The following WLS variants were observed in gnomAD, a reference collection of about 807,000 sequenced individuals.
The protein encoded by WLS is protein wntless homolog.
A neutral mutation model predicts 62.8 loss-of-function variants in WLS; 23 were observed. The observed-to-expected ratio is 0.37, with a 90% CI of 0.26 to 0.52. WLS has a LOEUF of 0.52. Among genes scored for constraint, WLS ranks in the 20% least tolerant of loss-of-function variants. The pLI is 0.92. For synonymous variants in WLS, 246 were observed against 244.1 expected, an observed-to-expected ratio of 1.01 and a Z score of -0.07; for missense variants, 615 against 697.3, an observed-to-expected ratio of 0.88 and a Z score of 1.33.
intron 11 of WLS, among the ~76,000 whole-genome samples, chr1:68,129,429 C>T (rs1260596254): frequency 6.6e-6 from 1 of 152,212 alleles, no homozygotes; most frequent in African/African-American, 2.4e-5. Flanking sequence ...AGTGCACTGA[C>T]AGGAGAGCTG....
intron 7 of WLS, among the ~76,000 whole-genome samples, 181 bp downstream of exon 7, chr1:68,148,382 A>G (rs1314510221): frequency 1.3e-5 from 2 of 152,230 alleles, no homozygotes; most frequent in Admixed American, 6.5e-5. Context: ...ATATTTTTCA[A>G]CTGTAAAGAG....
chr1:68,153,252 C>A (rs1646851002), intron 5 of WLS, among the ~76,000 whole-genome samples: 1 of 152,070 alleles, frequency 6.6e-6, no homozygotes, highest in South Asian at 2.1e-4. Context: ...CCAGCCTGGA[C>A]AACAGAGTGA....
intron 2 of WLS, among the ~76,000 whole-genome samples, chr1:68,180,417 G>T (rs978804887): frequency 2.6e-5 from 4 of 152,092 alleles, no homozygotes; most frequent in Non-Finnish European, 5.9e-5. Context: ...AGATGTTGAG[G>T]AAAAGCTGAG....
chr1:68,099,216 T>C (rs925029309), intron 11 of WLS, among the ~76,000 whole-genome samples: 2 of 152,148 alleles, frequency 1.3e-5, no homozygotes, highest in Admixed American at 1.3e-4. Flanking sequence ...TTTTTTTTTA[T>C]ATGTCTTATC....
At chr1:68,188,446 G>A (rs1327688643) in intron 2 of WLS, among the ~76,000 whole-genome samples, 2 of 152,206 alleles carry the variant, frequency 1.3e-5, no homozygotes, top group Non-Finnish European at 2.9e-5. Flanking sequence ...TGCCCACTGG[G>A]AGTTCATAGT....
At chr1:68,186,339 A>G (rs1198884148) in intron 2 of WLS, among the ~76,000 whole-genome samples, 2 of 152,204 alleles carry the variant, frequency 1.3e-5, no homozygotes, top group Non-Finnish European at 2.9e-5. Context: ...TAAAATATGT[A>G]GTACTTAGAT....
chr1:68,102,194 G>C (rs990689974), intron 11 of WLS, among the ~76,000 whole-genome samples: 1 of 152,186 alleles, frequency 6.6e-6, no homozygotes, highest in African/African-American at 2.4e-5. Context: ...ATTCTTCCCA[G>C]CCTGTAACAG....
At chr1:68,148,433 G>T (rs1646781022) in intron 7 of WLS, 130 bp downstream of exon 7, 1 of 1,015,622 alleles carries the variant, frequency 9.8e-7, no homozygotes, top group South Asian at 1.5e-5. Context: ...CTGAGGATGT[G>T]ACCACGTCCA....
At chr1:68,222,982 A>G (rs1650002401) in intron 1 of WLS, among the ~76,000 whole-genome samples, 1 of 151,974 alleles carries the variant, frequency 6.6e-6, no homozygotes, top group Non-Finnish European at 1.5e-5. Flanking sequence ...TATCCCAGAG[A>G]CCCCTGAATC....
Position 68,126,261 on chromosome 1 carries a change from T to C in WLS, c.1591A>G (p.Ile531Val). Residue 531 changes from isoleucine to valine, a missense_variant, in exon 12 of 12, where the codon ATC becomes GTC. Transcript: ENST00000262348. ...GCCTCCTTGCGGGTCAACTTGTAGATCTCAGTGGGTCCGTCCACATGGGTG... is the reference window on the plus strand; with the variant it reads ...GCCTCCTTGCGGGTCAACTTGTAGACCTCAGTGGGTCCGTCCACATGGGTG... ...TITHVDGPTEIYKLTRKEAQE is the reference protein window; with the variant it reads ...TITHVDGPTEVYKLTRKEAQE 6.2e-7 allele frequency: 1 copy of C among 1,614,182 alleles called. No individual in the cohort carries two copies. The highest frequency in any genetic ancestry group is 1.1e-5 in the South Asian group (1 of 91,070).
intron 11 of WLS, among the ~76,000 whole-genome samples, chr1:68,105,834 C>A (rs1020453627): frequency 6.6e-6 from 1 of 152,000 alleles, no homozygotes; most frequent in African/African-American, 2.4e-5. Flanking sequence ...GTACCGTACA[C>A]CTAACACCAG....
At chr1:68,188,944 G>T (rs1283359236) in intron 2 of WLS, among the ~76,000 whole-genome samples, 2 of 152,204 alleles carry the variant, frequency 1.3e-5, no homozygotes, top group Non-Finnish European at 1.5e-5. Flanking sequence ...AGCTAAAAGA[G>T]TCTCCTCCTT....
intron 1 of WLS, among the ~76,000 whole-genome samples, chr1:68,199,028 A>G (rs1317347517): frequency 6.6e-6 from 1 of 151,918 alleles, no homozygotes; most frequent in East Asian, 1.9e-4. Context: ...TTAAATCATT[A>G]GCCCCTATTC....
At chr1:68,208,651 G>A (rs930198551) in intron 1 of WLS, among the ~76,000 whole-genome samples, 1 of 152,188 alleles carries the variant, frequency 6.6e-6, no homozygotes, top group Non-Finnish European at 1.5e-5. Context: ...TTGGTTGACT[G>A]CCTGTTTCTT....
At chr1:68,199,796 C>T (rs1648900576) in intron 1 of WLS, among the ~76,000 whole-genome samples, 1 of 152,104 alleles carries the variant, frequency 6.6e-6, no homozygotes, top group Non-Finnish European at 1.5e-5. Flanking sequence ...CCTATCTCTG[C>T]CCTGTAAGTA....
chr1:68,181,070 C>A (rs1647540750), intron 2 of WLS, among the ~76,000 whole-genome samples: 2 of 152,200 alleles, frequency 1.3e-5, no homozygotes, highest in African/African-American at 4.8e-5. Flanking sequence ...GCCTTGCTCT[C>A]ATTTAACTTC....
chr1:68,194,741 A>G (rs1648569510), intron 1 of WLS, among the ~76,000 whole-genome samples: 1 of 152,210 alleles, frequency 6.6e-6, no homozygotes, highest in Non-Finnish European at 1.5e-5. Flanking sequence ...TTTGGCTCTA[A>G]AATTGTACAA....
At chr1:68,119,268 A>G (rs970809598) in intron 11 of WLS, among the ~76,000 whole-genome samples, 6 of 152,236 alleles carry the variant, frequency 3.9e-5, no homozygotes, top group Non-Finnish European at 8.8e-5. Context: ...ATATAAATCT[A>G]CACATATATG....
intron 2 of WLS, among the ~76,000 whole-genome samples, chr1:68,184,247 C>T (rs1386004812): frequency 1.3e-5 from 2 of 152,146 alleles, no homozygotes; most frequent in African/African-American, 2.4e-5. Flanking sequence ...ATCTATGCAC[C>T]CAGGTTTCTC....
Sources: allele counts gnomAD v4.1 joint callset (sites outside exome capture counted in the v4.1 genomes callset), GRCh38; gene constraint gnomAD v4.1.1; transcripts MANE v1.5; gene names NCBI Gene and HGNC (gene_info 2026-07-23, HGNC 2026-07-21).